Variants in ETV6 observed in about 807,000 individuals in gnomAD.
ETV6 encodes the protein ETS variant transcription factor 6.
ETV6 carries 16 observed loss-of-function variants against 51.1 expected under a neutral mutation model. The ratio of observed to expected loss-of-function variants is 0.31; its 90% confidence interval spans 0.21 to 0.48. ETV6 has a LOEUF of 0.48. Ranked by LOEUF, ETV6 falls within the 20% of genes least tolerant of loss-of-function variation. The probability of loss-of-function intolerance (pLI) is 0.99; values close to 1 mark genes in which losing one functional copy is unlikely to be tolerated. For synonymous variants in ETV6, 240 were observed against 224.1 expected (o/e 1.07, Z -0.64); for missense variants, 458 against 594.8 (o/e 0.77, Z 2.39).
intron 1 of ETV6, among the ~76,000 whole-genome samples, chr12:11,720,720 T>G (rs1323824575): frequency 1.3e-5 from 2 of 152,024 alleles, no homozygotes; most frequent in Non-Finnish European, 1.5e-5. Flanking sequence ...AACAAAAAAT[T>G]GACAAGTGGG....
chr12:11,874,192 A>G lies in ETV6; in HGVS notation c.1009+4223A>G, dbSNP rs1321247621. Among the ~76,000 whole-genome samples the G allele has an allele frequency of 2.7e-5, 4 of 146,090 alleles. 1 individual carries two copies. The highest frequency in any genetic ancestry group is 6.0e-5 in the Non-Finnish European group (4 of 66,942). On this transcript the variant is annotated intron_variant, in intron 5 of 7. Transcript: ENST00000396373. ...GGATTTCGAGACCAGCCTGGCCAACATGGTGAAACCCCATCTCTATCAAAA... is the reference window on the plus strand; with the variant it reads ...GGATTTCGAGACCAGCCTGGCCAACGTGGTGAAACCCCATCTCTATCAAAA...
intron 2 of ETV6, among the ~76,000 whole-genome samples, chr12:11,767,489 T>C (rs912105505): frequency 6.6e-6 from 1 of 152,164 alleles, no homozygotes; most frequent in African/African-American, 2.4e-5. Context: ...AATAAACAAG[T>C]GGAAAGTTTC....
rs144074699 is a variant in ETV6, at chr12:11,651,447, G to A, written c.33+1287G>A. 1.1e-3 allele frequency among the ~76,000 whole-genome samples: 164 copies of A among 152,294 alleles called. 1 individual carries two copies. In the East Asian group the frequency reaches 0.023, roughly 21 times the overall value. On this transcript the variant is annotated intron_variant, in intron 1 of 7. Coordinates refer to ENST00000396373, the MANE Select transcript of ETV6 (RefSeq NM_001987.5). Reference sequence around the variant, plus strand: ...TTCTTATCAGAAAAGATATTCATGGGTTTGAGGATAGGCTAATGTGAAATC... The same window carrying A: ...TTCTTATCAGAAAAGATATTCATGGATTTGAGGATAGGCTAATGTGAAATC...
At chr12:11,679,638 G>A (rs1864488618) in intron 1 of ETV6, among the ~76,000 whole-genome samples, 1 of 152,180 alleles carries the variant, frequency 6.6e-6, no homozygotes, top group African/African-American at 2.4e-5. Context: ...GCCATCATGG[G>A]ATCTGACTCT....
chr12:11,758,632 A>G (rs779182489), intron 2 of ETV6, among the ~76,000 whole-genome samples: 100 of 152,216 alleles, frequency 6.6e-4, no homozygotes, highest in Non-Finnish European at 1.1e-3. Context: ...TCTCGCCTGA[A>G]TCTGTGAATC....
At chr12:11,756,772 C>T (rs932817792) in intron 2 of ETV6, among the ~76,000 whole-genome samples, 2 of 152,224 alleles carry the variant, frequency 1.3e-5, no homozygotes, top group African/African-American at 4.8e-5. Flanking sequence ...GTGCTGCCAG[C>T]CTGCTCATTG....
intron 1 of ETV6, among the ~76,000 whole-genome samples, chr12:11,709,476 T>C (rs1426277575): frequency 6.6e-6 from 1 of 152,166 alleles, no homozygotes; most frequent in African/African-American, 2.4e-5. Context: ...TAGCTGAGAA[T>C]ATAGGCCTGT....
intron 2 of ETV6, among the ~76,000 whole-genome samples, chr12:11,801,482 G>A (rs1473166112): frequency 1.3e-5 from 2 of 152,170 alleles, no homozygotes; most frequent in Non-Finnish European, 2.9e-5. Context: ...TTCAATTCAG[G>A]TTGTCTTGAC....
intron 1 of ETV6, among the ~76,000 whole-genome samples, chr12:11,737,263 A>T (rs536005570): frequency 1.3e-5 from 2 of 152,314 alleles, no homozygotes; most frequent in African/African-American, 4.8e-5. Context: ...CAGTCAGGAC[A>T]GGGAGTCCTG....
At chr12:11,864,941 T>C (rs1984907) in intron 4 of ETV6, among the ~76,000 whole-genome samples, 1,867 of 152,298 alleles carry the variant, frequency 0.012, 19 homozygotes, top group Middle Eastern at 0.082. Flanking sequence ...ATCTCAGATA[T>C]ATAATTTCCC....
intron 3 of ETV6, chr12:11,841,015 G>A (rs10505764): frequency 0.16 from 24,455 of 156,270 alleles, 2,170 homozygotes; most frequent in South Asian, 0.33. Context: ...TGTAAAGCAA[G>A]CAAAGGAAAA....
intron 1 of ETV6, among the ~76,000 whole-genome samples, chr12:11,684,919 T>G (rs1864599243): frequency 6.6e-6 from 1 of 152,178 alleles, no homozygotes; most frequent in South Asian, 2.1e-4. Flanking sequence ...AGATAATTTC[T>G]GCTAACAATC....
chr12:11,696,796 A>G (rs1031447096), intron 1 of ETV6, among the ~76,000 whole-genome samples: 1 of 152,220 alleles, frequency 6.6e-6, no homozygotes, highest in Non-Finnish European at 1.5e-5. Context: ...AGCCTGGGCA[A>G]CAGAGTATAA....
At chr12:11,716,813 A>G (rs970353837) in intron 1 of ETV6, 1 of 152,064 alleles carries the variant, frequency 6.6e-6, no homozygotes, top group African/African-American at 2.4e-5. Flanking sequence ...GAGTGGTTCA[A>G]CTCCATGTTC....
intron 2 of ETV6, among the ~76,000 whole-genome samples, chr12:11,800,528 C>T (rs958064223): frequency 3.3e-5 from 5 of 151,696 alleles, no homozygotes; most frequent in Non-Finnish European, 4.4e-5. Flanking sequence ...ATCTAACTGA[C>T]GTTTTGTATC....
intron 1 of ETV6, among the ~76,000 whole-genome samples, chr12:11,704,310 G>A (rs1865034241): frequency 6.6e-6 from 1 of 152,168 alleles, no homozygotes; most frequent in Non-Finnish European, 1.5e-5. Context: ...GGAAGTGGAG[G>A]GGATAGCGGA....
intron 3 of ETV6, among the ~76,000 whole-genome samples, chr12:11,843,336 C>G (rs891195175): frequency 6.6e-6 from 1 of 152,188 alleles, no homozygotes; most frequent in Non-Finnish European, 1.5e-5. Context: ...TAACATTTGC[C>G]ACTGTTTCTT....
chr12:11,732,314 T>C (rs1865614309), intron 1 of ETV6, among the ~76,000 whole-genome samples: 1 of 152,230 alleles, frequency 6.6e-6, no homozygotes, highest in South Asian at 2.1e-4. Context: ...GCTAACTACC[T>C]GATTTCCGAA....
chr12:11,719,736 G>A (rs1170673762), intron 1 of ETV6, among the ~76,000 whole-genome samples: 4 of 152,202 alleles, frequency 2.6e-5, no homozygotes, highest in African/African-American at 7.2e-5. Context: ...AATCCAGCAC[G>A]GGGGTGGGTC....
Sources: gnomAD v4.1 joint callset for allele counts (sites outside exome capture counted in the v4.1 genomes callset) on GRCh38, gnomAD v4.1.1 for gene constraint, MANE v1.5 for transcripts, NCBI Gene and HGNC (gene_info 2026-07-23, HGNC 2026-07-21) for gene names.